The following MB21D2 variants were observed in gnomAD, a reference collection of about 807,000 sequenced individuals.
The protein encoded by MB21D2 is nucleotidyltransferase MB21D2.
MB21D2 carries 9 observed loss-of-function variants against 33.3 expected under a neutral mutation model. That is an observed-to-expected ratio of 0.27 (90% CI 0.16 to 0.47). MB21D2 has a LOEUF of 0.47. Ranked by LOEUF, MB21D2 falls within the 20% of genes least tolerant of loss-of-function variation. The pLI is 0.99. For synonymous variants in MB21D2, 241 were observed against 236.3 expected, an observed-to-expected ratio of 1.02 and a Z score of -0.18; for missense variants, 540 against 624.6, an observed-to-expected ratio of 0.86 and a Z score of 1.44.
intron 1 of MB21D2, among the ~76,000 whole-genome samples, chr3:192,821,835 C>G (rs1196932235): frequency 6.6e-6 from 1 of 152,126 alleles, no homozygotes; most frequent in African/African-American, 2.4e-5. Context: ...AAGTAGGAGA[C>G]AGGGAGGCAG....
intron 1 of MB21D2, among the ~76,000 whole-genome samples, chr3:192,829,141 A>G (rs1712257589): frequency 6.6e-6 from 1 of 152,158 alleles, no homozygotes; most frequent in Non-Finnish European, 1.5e-5. Context: ...TGTTTCCTGC[A>G]TGACATATAA....
intron 1 of MB21D2, among the ~76,000 whole-genome samples, chr3:192,849,847 G>A (rs1712760829): frequency 6.6e-6 from 1 of 152,024 alleles, no homozygotes; most frequent in Admixed American, 6.5e-5. Flanking sequence ...AACAACTCCT[G>A]GCACAGAAGA....
At chr3:192,818,616 G>A (rs1206379736) in intron 1 of MB21D2, among the ~76,000 whole-genome samples, 1 of 152,090 alleles carries the variant, frequency 6.6e-6, no homozygotes, top group Non-Finnish European at 1.5e-5. Flanking sequence ...AATCCATCAA[G>A]CCATCTTCAA....
intron 1 of MB21D2, among the ~76,000 whole-genome samples, chr3:192,841,524 A>C (rs1298586432): frequency 1.3e-5 from 2 of 152,168 alleles, no homozygotes; most frequent in Non-Finnish European, 1.5e-5. Context: ...GGACAAAGTG[A>C]AGAAGAAGTG....
intron 1 of MB21D2, among the ~76,000 whole-genome samples, chr3:192,831,098 T>C (rs1712304856): frequency 6.6e-6 from 1 of 152,224 alleles, no homozygotes; most frequent in African/African-American, 2.4e-5. Context: ...CGTGATAGTA[T>C]GAGACTTCTG....
chr3:192,910,837 C>A (rs1714336130), intron 1 of MB21D2, among the ~76,000 whole-genome samples: 1 of 152,190 alleles, frequency 6.6e-6, no homozygotes, highest in African/African-American at 2.4e-5. Context: ...TTAGGCCCAA[C>A]ATAGGTTAGG....
intron 1 of MB21D2, among the ~76,000 whole-genome samples, chr3:192,901,445 C>T (rs1318070094): frequency 6.9e-6 from 1 of 145,524 alleles, no homozygotes; most frequent in Non-Finnish European, 1.5e-5. Context: ...GACTTTATTG[C>T]CAGAAAGCCT....
chr3:192,869,760 C>T (rs1318355020), intron 1 of MB21D2, among the ~76,000 whole-genome samples: 2 of 152,170 alleles, frequency 1.3e-5, no homozygotes, highest in Non-Finnish European at 2.9e-5. Context: ...TGAGCCTATT[C>T]CAGCCTGCAC....
chr3:192,878,060 C>G, intron 1 of MB21D2, among the ~76,000 whole-genome samples: 1 of 147,366 alleles, frequency 6.8e-6, no homozygotes, highest in African/African-American at 2.5e-5. Flanking sequence ...CCGTACGAAA[C>G]ATCTTCAAAC....
intron 1 of MB21D2, among the ~76,000 whole-genome samples, chr3:192,820,304 C>T (rs1488952324): frequency 6.6e-6 from 1 of 152,086 alleles, no homozygotes; most frequent in African/African-American, 2.4e-5. Flanking sequence ...ATTATGAACG[C>T]TGATCTAACT....
intron 1 of MB21D2, among the ~76,000 whole-genome samples, chr3:192,808,697 T>C (rs1296509526): frequency 6.6e-6 from 1 of 152,212 alleles, no homozygotes; most frequent in East Asian, 1.9e-4. Context: ...AACTATAACG[T>C]AGACTTCTAT....
intron 1 of MB21D2, among the ~76,000 whole-genome samples, chr3:192,861,393 T>C (rs1263666947): frequency 2.0e-5 from 3 of 152,220 alleles, no homozygotes; most frequent in African/African-American, 7.2e-5. Flanking sequence ...TCCTCCTCAG[T>C]TGCCTAGAGT....
chr3:192,894,378 G>A (rs1421611820), intron 1 of MB21D2, among the ~76,000 whole-genome samples: 2 of 152,010 alleles, frequency 1.3e-5, no homozygotes, highest in Non-Finnish European at 2.9e-5. Context: ...TGATCCACTC[G>A]CCTCGGCCTC....
chr3:192,873,609 CTT>C (rs1713365208), intron 1 of MB21D2, among the ~76,000 whole-genome samples: 1 of 152,208 alleles, frequency 6.6e-6, no homozygotes. Flanking sequence ...GGGCCCCTCT[CTT>C]GTTATCCCTC....
Position 192,796,828 on chromosome 3 carries a change from A to T in MB21D2, c.*1558T>A, listed in dbSNP as rs1197660741. 2 of 152,206 alleles carry T rather than the reference A, an allele frequency of 1.3e-5. No homozygotes were observed. The highest frequency in any genetic ancestry group is 2.9e-5 in the Non-Finnish European group (2 of 68,018). The allele number at this position is 152,206 out of a possible 1,614,324, so 9.4% of individuals were successfully genotyped here. Reference sequence around the variant, plus strand: ...ACAACAACAAAATTTCAAGGCCAGTATGTTTCTTTTTTTATTATTTTTGTG... The same window carrying T: ...ACAACAACAAAATTTCAAGGCCAGTTTGTTTCTTTTTTTATTATTTTTGTG... On this transcript the variant is annotated 3_prime_UTR_variant, in exon 2 of 2. Transcript: ENST00000392452.
chr3:192,829,106 TTC>T, intron 1 of MB21D2, among the ~76,000 whole-genome samples: 1 of 152,298 alleles, frequency 6.6e-6, no homozygotes, highest in South Asian at 2.1e-4. Flanking sequence ...GCAATCTCTG[TTC>T]TGATTTATGC....
At chr3:192,808,287 A>G (rs1170503237) in intron 1 of MB21D2, among the ~76,000 whole-genome samples, 1 of 152,206 alleles carries the variant, frequency 6.6e-6, no homozygotes, top group Non-Finnish European at 1.5e-5. Context: ...ACGAATCAAC[A>G]TATGATTAGA....
In MB21D2 at chr3:192,798,610, C is replaced by T. The variant is rs1337168533; in HGVS notation, c.1252G>A (p.Val418Ile). The T allele has an allele frequency of 6.2e-7, 1 of 1,613,938 alleles. No homozygotes were observed. The highest frequency in any genetic ancestry group is 8.5e-7 in the Non-Finnish European group (1 of 1,180,044). Residue 418 changes from valine to isoleucine, a missense_variant, in exon 2 of 2, where the codon GTC becomes ATC. Val to Ile is a conservative substitution (Grantham distance 29). Coordinates refer to ENST00000392452, the MANE Select transcript of MB21D2 (RefSeq NM_178496.4). The surrounding 1 kb of genome is among the most constrained non-coding windows in gnomAD (Gnocchi z 4.8). Reference protein sequence around the residue: ...AEHLRTAIEHVKAANRLTLEL... With the variant: ...AEHLRTAIEHIKAANRLTLEL... ...AGTGTCAGCCGGTTGGCTGCCTTGA[C>T]ATGCTCAATGGCGGTGCGCAAGTGC...
intron 1 of MB21D2, among the ~76,000 whole-genome samples, chr3:192,873,893 G>A (rs949090555): frequency 6.6e-6 from 1 of 152,028 alleles, no homozygotes; most frequent in Non-Finnish European, 1.5e-5. Flanking sequence ...GTAGAGACAG[G>A]GTTTCACCAT....
Sources: gnomAD v4.1 joint callset for allele counts (sites outside exome capture counted in the v4.1 genomes callset) on GRCh38, gnomAD v4.1.1 for gene constraint, Gnocchi (gnomAD v3.1) non-coding constraint, MANE v1.5 for transcripts, NCBI Gene and HGNC (gene_info 2026-07-23, HGNC 2026-07-21) for gene names.